The following DNAH5 variants were observed in gnomAD, a reference collection of about 807,000 sequenced individuals.
DNAH5 encodes the protein axonemal beta dynein heavy chain 5.
DNAH5 carries 372 observed loss-of-function variants against 518.2 expected under a neutral mutation model. The observed-to-expected ratio is 0.72, with a 90% CI of 0.66 to 0.78. The LOEUF (loss-of-function observed/expected upper bound fraction) is 0.78, where lower values mean the gene tolerates loss of function less well. DNAH5 is among the 30% of genes least tolerant of loss of function. DNAH5 has a pLI of 0.00. For synonymous variants in DNAH5, 2,039 were observed against 2,025.9 expected, an observed-to-expected ratio of 1.01 and a Z score of -0.17; for missense variants, 5,523 against 5,687.0, an observed-to-expected ratio of 0.97 and a Z score of 0.93.
intron 1 of DNAH5, among the ~76,000 whole-genome samples, chr5:13,999,888 T>A (rs1784231552): frequency 6.6e-6 from 1 of 152,244 alleles, no homozygotes; most frequent in South Asian, 2.1e-4. Flanking sequence ...ATGATAGCCA[T>A]CTTGACAGGT....
In DNAH5 at chr5:13,913,831, A is replaced by T; in HGVS notation, c.1448T>A (p.Ile483Lys). 11 of 1,613,712 alleles carry T rather than the reference A, an allele frequency of 6.8e-6. No individual in the cohort carries two copies. Among genetic ancestry groups the T allele is most frequent in the Non-Finnish European group, 9.3e-6 (11 of 1,179,662 alleles). The part of the protein sequence containing the change: ...FETFHRRLAK[I>K]IDIFTTLKTY... ...CTTGAGGGTTGTAAAGATGTCTATT[A>T]TCTTGGCAAGGCGTCGGTGAAAAGT... Residue 483 changes from isoleucine to lysine, a missense_variant, in exon 11 of 79, where the codon ATA becomes AAA. Ile to Lys is a moderately radical substitution (Grantham distance 102). Coordinates refer to ENST00000265104, the MANE Select transcript of DNAH5 (RefSeq NM_001369.3).
At chr5:14,002,043 C>T (rs1036586129) in intron 1 of DNAH5, among the ~76,000 whole-genome samples, 4 of 151,874 alleles carry the variant, frequency 2.6e-5, no homozygotes, top group Non-Finnish European at 4.4e-5. Flanking sequence ...GGACTACAGG[C>T]GCGCACCACC....
chr5:14,006,968 T>C (rs561018496), intron 1 of DNAH5, among the ~76,000 whole-genome samples: 6 of 152,294 alleles, frequency 3.9e-5, no homozygotes, highest in African/African-American at 1.4e-4. Flanking sequence ...GGTCACTTCT[T>C]CTGGCTGGAC....
chr5:13,727,083 C>T (rs1745842240), intron 70 of DNAH5, among the ~76,000 whole-genome samples: 1 of 152,222 alleles, frequency 6.6e-6, no homozygotes, highest in East Asian at 1.9e-4. Flanking sequence ...GGTTTGGGCA[C>T]ACTGTCCTTC....
rs114717951 is a variant in DNAH5, at chr5:13,900,435, T to G, written c.2053-23A>C. ...AATCTGTGGGAAGAAACCAACATCA[T>G]TACTATCAGAAAGTTCAATTCATGC... On this transcript the variant is annotated intron_variant, in intron 14 of 78. Transcript: ENST00000265104. 11,253 of 1,592,814 alleles carry G rather than the reference T, an allele frequency of 7.1e-3. 119 individuals are homozygous for G. The highest frequency in any genetic ancestry group is 0.041 in the Middle Eastern group (241 of 5,950).
At chr5:13,915,492 G>A (rs887567785) in intron 9 of DNAH5, among the ~76,000 whole-genome samples, 2 of 151,998 alleles carry the variant, frequency 1.3e-5, no homozygotes, top group South Asian at 2.1e-4. Context: ...CATTTACCCA[G>A]GGAATACTCT....
chr5:13,734,052 C>T (rs768467993), intron 68 of DNAH5, among the ~76,000 whole-genome samples: 2 of 151,978 alleles, frequency 1.3e-5, no homozygotes, highest in Admixed American at 6.6e-5. Flanking sequence ...TCTGACGGTC[C>T]TGGGAGGTGA....
At chr5:13,740,217 C>T (rs1044019081) in intron 65 of DNAH5, among the ~76,000 whole-genome samples, 1 of 152,114 alleles carries the variant, frequency 6.6e-6, no homozygotes, top group South Asian at 2.1e-4. Flanking sequence ...ACTATCACCA[C>T]CCTGGTTTAA....
intron 74 of DNAH5, 40 bp downstream of exon 74, chr5:13,716,447 A>C (rs1744290521): frequency 2.1e-6 from 3 of 1,452,834 alleles, no homozygotes; most frequent in South Asian, 1.1e-5. Context: ...AAGTGGCTAC[A>C]GATATTTGCT....
At position 13,845,042 on chromosome 5, in the gene DNAH5, C is replaced by A; in HGVS notation, c.5115-49G>T. On this transcript the variant is annotated intron_variant, in intron 31 of 78. Coordinates refer to ENST00000265104, the MANE Select transcript of DNAH5 (RefSeq NM_001369.3). Reference sequence around the variant, plus strand: ...ACCTTTATAACCACACAAAGCTGGTCGTTCAAGGAATAAATTAACCTGGAT... The same window carrying A: ...ACCTTTATAACCACACAAAGCTGGTAGTTCAAGGAATAAATTAACCTGGAT... 1.9e-6 allele frequency: 3 copies of A among 1,584,284 alleles called. No individual in the cohort carries two copies. The South Asian group carries it at 3.3e-5, about 18-fold the overall frequency.
At position 13,900,229 on chromosome 5, in the gene DNAH5, T is replaced by C; in HGVS notation, c.2236A>G (p.Lys746Glu). The C allele has an allele frequency of 6.2e-7, 1 of 1,614,094 alleles. No individual in the cohort carries two copies. Among genetic ancestry groups the C allele is most frequent in the Non-Finnish European group, 8.5e-7 (1 of 1,179,922 alleles). ...TSLFQKRDRY[K>E]RNFSNMKMML... ...ACCTTCATGTTACTGAAGTTCCTTT[T>C]GTATCTATCTCGTTTCTGGAAGAGG... Residue 746 changes from lysine to glutamate, a missense_variant, in exon 15 of 79, where the codon AAA (lysine) becomes GAA (glutamate). Around this residue, in one of 3 missense-constraint regions of DNAH5, gnomAD observed 5,121 missense variants for 5,223.3 expected, o/e 0.98. Coordinates refer to ENST00000265104, the MANE Select transcript of DNAH5 (RefSeq NM_001369.3).
chr5:13,727,387 A>T, intron 70 of DNAH5, 120 bp downstream of exon 70: 1 of 951,020 alleles, frequency 1.1e-6, no homozygotes, highest in Non-Finnish European at 1.6e-6. Context: ...CTAGAAAATC[A>T]CACAGAGGCC....
intron 51 of DNAH5, 88 bp from the exon 52 acceptor site, chr5:13,786,439 C>T (rs777399676): frequency 7.7e-7 from 1 of 1,299,732 alleles, no homozygotes; most frequent in African/African-American, 1.5e-5. Context: ...GCTCTACAAC[C>T]TAACACTGAA....
At chr5:13,985,092 G>A (rs913600802) in intron 1 of DNAH5, among the ~76,000 whole-genome samples, 1 of 152,134 alleles carries the variant, frequency 6.6e-6, no homozygotes, top group African/African-American at 2.4e-5. Context: ...GGAATACTAT[G>A]CAGCCATAAA....
intron 29 of DNAH5, among the ~76,000 whole-genome samples, chr5:13,860,024 A>G (rs1768178895): frequency 5.3e-5 from 8 of 152,152 alleles, no homozygotes; most frequent in Admixed American, 5.2e-4. Context: ...GGACCAGACA[A>G]CTAATTCAAT....
chr5:13,921,450 C>CTCTG (rs1454246875), intron 5 of DNAH5, among the ~76,000 whole-genome samples: 1 of 144,976 alleles, frequency 6.9e-6, no homozygotes, highest in African/African-American at 2.6e-5. Flanking sequence ...CTCTCTCTCT[C>CTCTG]TCTCTCTCTT....
chr5:13,741,941 G>A (rs1450444738), intron 65 of DNAH5, among the ~76,000 whole-genome samples: 1 of 152,146 alleles, frequency 6.6e-6, no homozygotes, highest in East Asian at 1.9e-4. Flanking sequence ...GATATCACCA[G>A]TAATGCAGCT....
chr5:13,938,479 A>C (rs1779159461), intron 1 of DNAH5, among the ~76,000 whole-genome samples: 1 of 151,904 alleles, frequency 6.6e-6, no homozygotes, highest in African/African-American at 2.4e-5. Flanking sequence ...TGTTGTTGTT[A>C]ATCTTTTACT....
At chr5:13,895,623 CACACCG>C (rs1773818088) in intron 15 of DNAH5, among the ~76,000 whole-genome samples, 24 of 152,112 alleles carry the variant, frequency 1.6e-4, no homozygotes, top group African/African-American at 5.6e-4. Context: ...AGACCCAAAG[CACACCG>C]GGAACCAGTA....
Sources: allele counts gnomAD v4.1 joint callset (sites outside exome capture counted in the v4.1 genomes callset), GRCh38; gene constraint gnomAD v4.1.1; regional missense constraint gnomAD v4.1.1; transcripts MANE v1.5; gene names NCBI Gene and HGNC (gene_info 2026-07-23, HGNC 2026-07-21).